MCM5: variants seen among roughly 807,000 people sequenced by gnomAD.
MCM5 encodes the protein DNA replication licensing factor MCM5.
Under a neutral mutation model 79.9 loss-of-function variants are expected in MCM5, and 46 were observed. That is an observed-to-expected ratio of 0.58 (90% CI 0.45 to 0.74). MCM5 has a LOEUF of 0.74. MCM5 is among the 30% of genes least tolerant of loss of function. The pLI, the probability that MCM5 is intolerant of heterozygous loss-of-function variation, is 0.00. For synonymous variants in MCM5, 404 were observed against 390.5 expected (o/e 1.03, Z -0.41); for missense variants, 883 against 1,017.0 (o/e 0.87, Z 1.79).
chr22:35,413,344 G>A lies in MCM5; in HGVS notation c.1092-531G>A, dbSNP rs184150208. On this transcript the variant is annotated intron_variant, in intron 8 of 16. Transcript: ENST00000216122. ...CAGGCGTGAGCCACCGCACCCGGCCGCACAGGCATTCTTCTAAGTGCTTTA... is the reference window on the plus strand; with the variant it reads ...CAGGCGTGAGCCACCGCACCCGGCCACACAGGCATTCTTCTAAGTGCTTTA... Among the ~76,000 whole-genome samples, 757 of 152,170 alleles carry A rather than the reference G, an allele frequency of 5.0e-3. 2 individuals carry two copies. The highest frequency in any genetic ancestry group is 9.1e-3 in the Non-Finnish European group (621 of 67,982).
the MCM5 span, among the ~76,000 whole-genome samples, chr22:35,437,058 C>G: frequency 3.3e-5 from 5 of 152,248 alleles, no homozygotes; most frequent in Non-Finnish European, 5.9e-5. Flanking sequence ...CCACAAACTT[C>G]TGACTTCTGG....
the MCM5 span, among the ~76,000 whole-genome samples, chr22:35,435,531 C>G: frequency 5.3e-5 from 8 of 152,198 alleles, no homozygotes; most frequent in African/African-American, 1.4e-4. Context: ...GCTATGGTGA[C>G]CAGACTCTCG....
chr22:35,440,921 G>A, the MCM5 span, among the ~76,000 whole-genome samples: 1 of 152,174 alleles, frequency 6.6e-6, no homozygotes, highest in African/African-American at 2.4e-5. Context: ...GCCGGGTGTG[G>A]TGGCGCATGC....
chr22:35,404,298 C>G (rs539292180), intron 4 of MCM5, among the ~76,000 whole-genome samples: 1 of 152,310 alleles, frequency 6.6e-6, no homozygotes, highest in Admixed American at 6.5e-5. Context: ...CAGCCAGGAC[C>G]AGGCATTGTA....
intron 2 of MCM5, chr22:35,401,389 TGA>T: frequency 2.1e-6 from 1 of 471,478 alleles, no homozygotes; most frequent in South Asian, 1.5e-5. Flanking sequence ...CTTCATTGAT[TGA>T]GCACCTGCTG....
chr22:35,421,337 C>T lies in MCM5; in HGVS notation c.1852C>T (p.Arg618Cys), dbSNP rs1254502279. The T allele has an allele frequency of 3.1e-6, 5 of 1,613,452 alleles. No homozygotes were observed. The highest frequency in any genetic ancestry group is 3.4e-6 in the Non-Finnish European group (4 of 1,179,978). The change falls in exon 15 of 17, where the codon CGC becomes TGC. Residue 618 changes from arginine to cysteine, a missense_variant. Transcript: ENST00000216122. ...CCACAGGCAGCTGGAGGCCATTGTG[C>T]GCATCGCGGAAGCCCTCAGCAAGAT... is the stretch of plus-strand genomic sequence containing the variant. ...ITVRQLEAIV[R>C]IAEALSKMKL...
chr22:35,434,653 AC>A, the MCM5 span, among the ~76,000 whole-genome samples: 2 of 152,104 alleles, frequency 1.3e-5, no homozygotes, highest in Admixed American at 1.3e-4. Flanking sequence ...CAACACCTTT[AC>A]CCCACAAGGA....
chr22:35,450,779 C>T, the MCM5 span, among the ~76,000 whole-genome samples: 2 of 151,786 alleles, frequency 1.3e-5, no homozygotes, highest in African/African-American at 2.4e-5. Context: ...CCCCATTTGT[C>T]AATGAGGAAA....
intron 6 of MCM5, 55 bp downstream of exon 6, chr22:35,408,618 G>C: frequency 1.3e-6 from 2 of 1,568,160 alleles, no homozygotes; most frequent in Non-Finnish European, 8.7e-7. Context: ...TCCCAGCTGT[G>C]GCCCTAACCC....
At chr22:35,400,793 CTTTATTTTAT>C (rs4645732) in intron 2 of MCM5, among the ~76,000 whole-genome samples, 188 bp downstream of exon 2, 4 of 152,090 alleles carry the variant, frequency 2.6e-5, no homozygotes, top group African/African-American at 7.2e-5. Flanking sequence ...TTTTGTTTTA[CTTTATTTTAT>C]TTTATTTTAT....
chr22:35,404,963 G>A (rs946232291), intron 4 of MCM5, among the ~76,000 whole-genome samples: 11 of 151,530 alleles, frequency 7.3e-5, no homozygotes, highest in African/African-American at 2.2e-4. Context: ...AAAGAGAATC[G>A]TATAACGAAT....
chr22:35,426,089 G>A (rs934760205), downstream of MCM5, among the ~76,000 whole-genome samples: 3 of 152,118 alleles, frequency 2.0e-5, no homozygotes, highest in African/African-American at 7.2e-5. Flanking sequence ...CTGACCCTGG[G>A]GTAGGTTCCC....
the MCM5 span, among the ~76,000 whole-genome samples, chr22:35,436,582 C>T: frequency 1.3e-5 from 2 of 152,182 alleles, no homozygotes; most frequent in African/African-American, 4.8e-5. Flanking sequence ...GGCTTCTGGC[C>T]TTTTTCCATC....
chr22:35,416,193 A>T, intron 10 of MCM5, 146 bp from the exon 11 acceptor site: 1 of 939,042 alleles, frequency 1.1e-6, no homozygotes, highest in Non-Finnish European at 1.7e-6. Context: ...AGTTGTTCCC[A>T]TGATTAGAGG....
At chr22:35,450,692 C>G in the MCM5 span, among the ~76,000 whole-genome samples, 1 of 152,204 alleles carries the variant, frequency 6.6e-6, no homozygotes, top group Non-Finnish European at 1.5e-5. Flanking sequence ...CCCACGGCAA[C>G]ACGTTGACAC....
the MCM5 span, among the ~76,000 whole-genome samples, chr22:35,434,635 C>T: frequency 6.6e-6 from 1 of 152,232 alleles, no homozygotes; most frequent in East Asian, 1.9e-4. Context: ...CTACCACAGC[C>T]TGTCTGACAA....
At chr22:35,438,683 C>CATCCATTCACCCATCCATT in the MCM5 span, among the ~76,000 whole-genome samples, 43 of 129,212 alleles carry the variant, frequency 3.3e-4, no homozygotes, top group African/African-American at 1.3e-3. Context: ...ACCCATCCAT[C>CATCCATTCACCCATCCATT]CATCCATCCA....
the MCM5 span, among the ~76,000 whole-genome samples, chr22:35,436,082 G>A: frequency 3.4e-5 from 5 of 147,690 alleles, no homozygotes; most frequent in South Asian, 4.2e-4. Context: ...CAGGAGAATC[G>A]CTTGAACCTG....
the MCM5 span, among the ~76,000 whole-genome samples, chr22:35,444,166 G>GGAGAGAGAGAGAGA: frequency 2.1e-4 from 31 of 148,022 alleles, no homozygotes; most frequent in African/African-American, 5.6e-4. Context: ...CTGACAGGCA[G>GGAGAGAGAGAGAGA]GAGAGAGAGA....
Sources: gnomAD v4.1 joint callset for allele counts (sites outside exome capture counted in the v4.1 genomes callset) on GRCh38, gnomAD v4.1.1 for gene constraint, MANE v1.5 for transcripts, NCBI Gene and HGNC (gene_info 2026-07-23, HGNC 2026-07-21) for gene names.